NEDD9: variants seen among roughly 807,000 people sequenced by gnomAD.
NEDD9 encodes enhancer of filamentation 1.
A neutral mutation model predicts 76.6 loss-of-function variants in NEDD9; 26 were observed. The observed-to-expected ratio is 0.34, with a 90% CI of 0.25 to 0.47. NEDD9 has a LOEUF of 0.47. Among genes scored for constraint, NEDD9 ranks in the 20% least tolerant of loss-of-function variants. The pLI is 1.00. For synonymous variants in NEDD9, 392 were observed against 414.2 expected (o/e 0.95, Z 0.65); for missense variants, 937 against 1,058.5 (o/e 0.89, Z 1.59).
At chr6:11,249,352 T>C in intron 3 of NEDD9, 1 of 369,322 alleles carries the variant, frequency 2.7e-6, no homozygotes, top group South Asian at 2.1e-5. Context: ...TTCAGGGCTC[T>C]ATAAAGTCTG....
chr6:11,323,203 T>G (rs1001605351), intron 2 of NEDD9, among the ~76,000 whole-genome samples: 5 of 152,200 alleles, frequency 3.3e-5, no homozygotes, highest in Non-Finnish European at 7.3e-5. Context: ...TGCAGTGACT[T>G]TCAAGGCTGA....
At chr6:11,201,100 G>A (rs1171992663) in intron 2 of NEDD9, 4 of 1,607,850 alleles carry the variant, frequency 2.5e-6, no homozygotes, top group Admixed American at 1.7e-5. Context: ...TGTGTCACTT[G>A]TTCAAGGTCT....
intron 2 of NEDD9, among the ~76,000 whole-genome samples, chr6:11,313,474 T>A (rs1167255868): frequency 1.5e-5 from 2 of 135,336 alleles, no homozygotes; most frequent in Non-Finnish European, 3.3e-5. Flanking sequence ...GATATATGAG[T>A]GGGTAGATAG....
At chr6:11,243,469 C>T (rs1395043277) in intron 3 of NEDD9, among the ~76,000 whole-genome samples, 1 of 152,214 alleles carries the variant, frequency 6.6e-6, no homozygotes, top group African/African-American at 2.4e-5. Flanking sequence ...CAGTGTGTGG[C>T]CTGGTGCAGG....
chr6:11,300,319 A>T (rs891474128), intron 3 of NEDD9, among the ~76,000 whole-genome samples: 14 of 152,372 alleles, frequency 9.2e-5, no homozygotes, highest in African/African-American at 3.4e-4. Flanking sequence ...AGAAAAAAAG[A>T]GTAAAAGGAA....
chr6:11,314,409 G>A (rs1487757684), intron 2 of NEDD9, among the ~76,000 whole-genome samples: 1 of 152,170 alleles, frequency 6.6e-6, no homozygotes, highest in Non-Finnish European at 1.5e-5. Context: ...AGGAGTGGGT[G>A]GGGAGAAAGC....
At chr6:11,372,178 C>T (rs1762890587) in intron 1 of NEDD9, among the ~76,000 whole-genome samples, 2 of 146,748 alleles carry the variant, frequency 1.4e-5, no homozygotes, top group Admixed American at 1.4e-4. Context: ...TGGTAACCAT[C>T]CCTCTATTGT....
At chr6:11,225,123 TACAC>T (rs898596385) in intron 1 of NEDD9, among the ~76,000 whole-genome samples, 8 of 152,048 alleles carry the variant, frequency 5.3e-5, no homozygotes, top group African/African-American at 1.9e-4. Flanking sequence ...CAACCACACA[TACAC>T]ACAGTAAAAA....
At chr6:11,264,785 T>C (rs1197352987) in intron 3 of NEDD9, among the ~76,000 whole-genome samples, 1 of 152,246 alleles carries the variant, frequency 6.6e-6, no homozygotes, top group East Asian at 1.9e-4. Context: ...TCCTCATCTT[T>C]CCTGTCAAGG....
At chr6:11,309,111 C>T (rs1279524245) in intron 2 of NEDD9, among the ~76,000 whole-genome samples, 1 of 152,176 alleles carries the variant, frequency 6.6e-6, no homozygotes, top group African/African-American at 2.4e-5. Context: ...CACTCCTATA[C>T]AATAAAGTGA....
chr6:11,273,746 G>A (rs563420277), intron 3 of NEDD9, among the ~76,000 whole-genome samples: 1 of 152,230 alleles, frequency 6.6e-6, no homozygotes, highest in Non-Finnish European at 1.5e-5. Flanking sequence ...ACCGTGAGTA[G>A]AGCCTCACTC....
intron 2 of NEDD9, among the ~76,000 whole-genome samples, chr6:11,332,368 C>T (rs1762059618): frequency 6.6e-6 from 1 of 152,176 alleles, no homozygotes; most frequent in Non-Finnish European, 1.5e-5. Flanking sequence ...TACATTATGC[C>T]TATTCTTAAA....
Position 11,185,586 on chromosome 6 carries a change from G to A in NEDD9, c.2081C>T (p.Pro694Leu), listed in dbSNP as rs765875804. ...AGCACTCACGCCACTGTTTGTGGTG[G>A]GTAGGCTCTGAGAGGGCTTCCACTT... Reference protein sequence around the residue: ...ISKWKPSQSLPTTNSGVSAQD... With the variant: ...ISKWKPSQSLLTTNSGVSAQD... Residue 694 changes from proline (P) to leucine (L), a missense_variant, in exon 7 of 7, where the codon CCC becomes CTC. Coordinates refer to ENST00000379446, the MANE Select transcript of NEDD9 (RefSeq NM_006403.4). 1.2e-6 allele frequency: 2 copies of A among 1,614,180 alleles called. No homozygotes were observed. Among genetic ancestry groups the A allele is most frequent in the Non-Finnish European group, 1.7e-6 (2 of 1,180,024 alleles).
At chr6:11,333,740 A>G (rs1474744977) in intron 2 of NEDD9, among the ~76,000 whole-genome samples, 1 of 152,178 alleles carries the variant, frequency 6.6e-6, no homozygotes, top group Non-Finnish European at 1.5e-5. Context: ...TGCTTTATCT[A>G]CCACATCCTT....
intron 2 of NEDD9, among the ~76,000 whole-genome samples, chr6:11,327,773 G>C (rs1761959786): frequency 1.3e-5 from 2 of 152,254 alleles, no homozygotes; most frequent in South Asian, 4.1e-4. Flanking sequence ...AGGGTGCCTG[G>C]ACAAAGTTTC....
At chr6:11,238,546 C>T (rs1005013089) in intron 3 of NEDD9, among the ~76,000 whole-genome samples, 3 of 152,254 alleles carry the variant, frequency 2.0e-5, no homozygotes, top group Admixed American at 2.0e-4. Context: ...CCCTTACTCA[C>T]GTGCACGTTG....
intron 1 of NEDD9, among the ~76,000 whole-genome samples, chr6:11,214,535 C>T (rs1758888630): frequency 6.6e-6 from 1 of 152,222 alleles, no homozygotes; most frequent in African/African-American, 2.4e-5. Context: ...TTTCATGGGC[C>T]CAACACACTC....
chr6:11,291,890 G>C (rs1190747953), intron 3 of NEDD9, among the ~76,000 whole-genome samples: 1 of 152,172 alleles, frequency 6.6e-6, no homozygotes, highest in Non-Finnish European at 1.5e-5. Context: ...TCCAACTAAA[G>C]GGCTTACTCA....
chr6:11,295,009 G>A (rs1002270484), intron 3 of NEDD9, among the ~76,000 whole-genome samples: 25 of 152,226 alleles, frequency 1.6e-4, no homozygotes, highest in African/African-American at 5.8e-4. Flanking sequence ...TCTCTTGCCT[G>A]CTGCCATGAA....
Sources: gnomAD v4.1 joint callset for allele counts (sites outside exome capture counted in the v4.1 genomes callset) on GRCh38, gnomAD v4.1.1 for gene constraint, MANE v1.5 for transcripts, NCBI Gene and HGNC (gene_info 2026-07-23, HGNC 2026-07-21) for gene names.